Variants in APBB2 observed in about 807,000 individuals in gnomAD.
The protein encoded by APBB2 is amyloid beta precursor protein binding family B member 2.
Under a neutral mutation model 82.5 loss-of-function variants are expected in APBB2, and 38 were observed. The ratio of observed to expected loss-of-function variants is 0.46; its 90% CI spans 0.36 to 0.60. The LOEUF is 0.60. APBB2 is among the 20% of genes least tolerant of loss of function. The probability of loss-of-function intolerance (pLI) is 0.00; values close to 1 mark genes in which losing one functional copy is unlikely to be tolerated. For synonymous variants in APBB2, 341 were observed against 368.2 expected, an observed-to-expected ratio of 0.93 and a Z score of 0.85; for missense variants, 772 against 972.3, an observed-to-expected ratio of 0.79 and a Z score of 2.74.
rs545244920 is a variant in APBB2 at position 40,913,947 on chromosome 4, A to G, written c.1254+20509T>C. Reference sequence around the variant, plus strand: ...TCAACGGATCAATAACATACACTAAATAAGGGGGCTGGGTGTGGTGGCTCA... The same window carrying G: ...TCAACGGATCAATAACATACACTAAGTAAGGGGGCTGGGTGTGGTGGCTCA... On this transcript the variant is annotated intron_variant, in intron 10 of 17. Coordinates refer to ENST00000508593, the MANE Select transcript of APBB2 (RefSeq NM_004307.2). Among the ~76,000 whole-genome samples, 188 of 152,224 alleles carry G rather than the reference A, an allele frequency of 1.2e-3. 1 individual carries two copies. The highest frequency in any genetic ancestry group is 4.4e-3 in the African/African-American group (181 of 41,552).
chr4:41,116,369 C>T (rs1029549880), intron 2 of APBB2, among the ~76,000 whole-genome samples: 7 of 152,024 alleles, frequency 4.6e-5, no homozygotes, highest in Admixed American at 6.6e-5. Context: ...ATGTATATGG[C>T]GGGTTGATGG....
chr4:40,963,147 A>G (rs777050196), intron 6 of APBB2, among the ~76,000 whole-genome samples: 47 of 152,252 alleles, frequency 3.1e-4, no homozygotes, highest in South Asian at 1.0e-3. Context: ...ACTGGTAGTT[A>G]GCGTCCATTT....
At chr4:41,188,721 G>A (rs1171426283) in intron 1 of APBB2, among the ~76,000 whole-genome samples, 1 of 152,164 alleles carries the variant, frequency 6.6e-6, no homozygotes, top group Non-Finnish European at 1.5e-5. Context: ...GTGAACTAAG[G>A]TAAGGAACAA....
At chr4:40,969,031 G>A (rs577766998) in intron 6 of APBB2, among the ~76,000 whole-genome samples, 8 of 152,312 alleles carry the variant, frequency 5.3e-5, no homozygotes, top group South Asian at 2.1e-4. Context: ...CATGTAAGAC[G>A]TGTCTTTCGC....
intron 4 of APBB2, among the ~76,000 whole-genome samples, chr4:41,051,596 G>C (rs1015140193): frequency 6.6e-6 from 1 of 152,162 alleles, no homozygotes; most frequent in Admixed American, 6.5e-5. Context: ...TCCATCCTCT[G>C]AAGCTAGTAA....
chr4:40,859,021 G>C (rs1762124240), intron 12 of APBB2, among the ~76,000 whole-genome samples: 2 of 152,292 alleles, frequency 1.3e-5, no homozygotes, highest in Admixed American at 1.3e-4. Flanking sequence ...CCCTTCAAAG[G>C]CTGCCTCTCC....
At chr4:40,822,987 T>G (rs1748533299) in intron 16 of APBB2, among the ~76,000 whole-genome samples, 1 of 152,198 alleles carries the variant, frequency 6.6e-6, no homozygotes, top group Non-Finnish European at 1.5e-5. Context: ...GTGAGCACCC[T>G]GCTCCTCTCT....
At position 40,811,722 on chromosome 4, in the gene APBB2, T is replaced by C. The variant is rs1341288971; in HGVS notation, c.*4370A>G. ...TCCAATAGCAAACACATTTTTAATC[T>C]GAAATTATTTACCACCATATAATGC... On this transcript the variant is annotated 3_prime_UTR_variant, in exon 18 of 18. Transcript: ENST00000508593. 6.6e-6 allele frequency: 1 copy of C among 152,196 alleles called. No homozygotes were observed. The highest frequency in any genetic ancestry group is 1.5e-5 in the Non-Finnish European group (1 of 68,028). The allele number at this position is 152,196 out of a possible 1,614,324, so 9.4% of individuals were successfully genotyped here. A position where few individuals can be genotyped will look rare whatever the true frequency, so the allele number is the denominator to read the frequency against.
intron 6 of APBB2, among the ~76,000 whole-genome samples, chr4:40,966,760 T>A (rs905682843): frequency 1.3e-5 from 2 of 151,926 alleles, no homozygotes; most frequent in African/African-American, 4.8e-5. Context: ...TGAGGGGAGG[T>A]TAAGGGTGGC....
intron 5 of APBB2, among the ~76,000 whole-genome samples, chr4:41,021,635 G>T (rs1711560643): frequency 6.6e-6 from 1 of 152,186 alleles, no homozygotes; most frequent in African/African-American, 2.4e-5. Context: ...GGTCCGTTCA[G>T]TGCTCTGTAA....
chr4:40,877,001 A>G (rs1039555969), intron 12 of APBB2, among the ~76,000 whole-genome samples: 1 of 152,224 alleles, frequency 6.6e-6, no homozygotes, highest in African/African-American at 2.4e-5. Context: ...GACCACCACT[A>G]TGGGTGGGGA....
chr4:41,002,843 C>T (rs911877842), intron 6 of APBB2, among the ~76,000 whole-genome samples: 1 of 152,110 alleles, frequency 6.6e-6, no homozygotes, highest in Non-Finnish European at 1.5e-5. Context: ...CATCATATTG[C>T]CTTTGTAGTG....
chr4:41,043,014 G>C (rs917681259), intron 4 of APBB2, among the ~76,000 whole-genome samples: 15 of 152,104 alleles, frequency 9.9e-5, no homozygotes, highest in African/African-American at 3.4e-4. Context: ...TCCTGCGGGG[G>C]GAATCTATTT....
chr4:41,136,371 C>G (rs938776081), intron 2 of APBB2, among the ~76,000 whole-genome samples: 1 of 152,162 alleles, frequency 6.6e-6, no homozygotes, highest in African/African-American at 2.4e-5. Context: ...TTCATAACAC[C>G]TATTTCCAGG....
At chr4:41,124,205 G>C (rs530375691) in intron 2 of APBB2, among the ~76,000 whole-genome samples, 3 of 152,220 alleles carry the variant, frequency 2.0e-5, no homozygotes, top group Non-Finnish European at 4.4e-5. Flanking sequence ...TTTTCTTCAA[G>C]CATTTATTTT....
At chr4:40,953,153 C>T (rs894430045) in intron 6 of APBB2, among the ~76,000 whole-genome samples, 1 of 151,726 alleles carries the variant, frequency 6.6e-6, no homozygotes, top group African/African-American at 2.4e-5. Flanking sequence ...AAAAAATTAG[C>T]CAGGCGTGGT....
intron 6 of APBB2, among the ~76,000 whole-genome samples, chr4:40,985,539 G>A (rs748551155): frequency 8.5e-5 from 13 of 152,126 alleles, no homozygotes; most frequent in Non-Finnish European, 1.9e-4. Context: ...GTCTTTTCAC[G>A]TTAGTATTGA....
chr4:40,975,951 C>T (rs919842460), intron 6 of APBB2, among the ~76,000 whole-genome samples: 1 of 151,992 alleles, frequency 6.6e-6, no homozygotes, highest in Non-Finnish European at 1.5e-5. Flanking sequence ...AGTAAATTTA[C>T]ATTACTCAAA....
rs1777199874 is a variant in APBB2 at position 40,907,371 on chromosome 4, ATATATATATT to A, written c.1255-13970_1255-13961del. 8.4e-3 allele frequency among the ~76,000 whole-genome samples: 361 copies of A among 42,982 alleles called. 1 individual carries two copies. Among genetic ancestry groups the A allele is most frequent in the African/African-American group, 0.015 (114 of 7,488 alleles). 28.2% of individuals were successfully genotyped at this position (42,982 alleles called of 152,430 possible). A position where few individuals can be genotyped will look rare whatever the true frequency, so the allele number is the denominator to read the frequency against. ...TACATATATATATATATATATATATATATATATATTTTTTTTTTTTTTTTTTTTTAGACAG... is the reference window on the plus strand; with the variant it reads ...TACATATATATATATATATATATATATTTTTTTTTTTTTTTTTTTAGACAG... On this transcript the variant is annotated intron_variant, in intron 10 of 17. Transcript: ENST00000508593.
Sources: gnomAD v4.1 joint callset for allele counts (sites outside exome capture counted in the v4.1 genomes callset) on GRCh38, gnomAD v4.1.1 for gene constraint, MANE v1.5 for transcripts, NCBI Gene and HGNC (gene_info 2026-07-23, HGNC 2026-07-21) for gene names.